FBLIM1: variants seen among roughly 807,000 people sequenced by gnomAD.
FBLIM1 encodes filamin-binding LIM protein 1.
FBLIM1 carries 29 observed loss-of-function variants against 37.4 expected under a neutral mutation model. That is an observed-to-expected ratio of 0.77 (90% confidence interval 0.58 to 1.06). The LOEUF (loss-of-function observed/expected upper bound fraction) is 1.06. FBLIM1 is among the 50% of genes least tolerant of loss of function. The pLI, the probability that FBLIM1 is intolerant of heterozygous loss-of-function variation, is 0.00. For missense variants in FBLIM1, 449 were observed against 505.6 expected (o/e 0.89, Z 1.07); for synonymous variants, 193 against 199.0 (o/e 0.97, Z 0.25).
rs2068553125 is a variant in FBLIM1 at position 15,759,321 on chromosome 1, G to A, written c.-211+473G>A. Among the ~76,000 whole-genome samples, 2 of 152,220 alleles carry A rather than the reference G, an allele frequency of 1.3e-5. 1 individual carries two copies. Among genetic ancestry groups the A allele is most frequent in the South Asian group, 4.1e-4 (2 of 4,838 alleles). Reference sequence around the variant, plus strand: ...TCCTAGCCAGGGTCAGGCAAGGGGAGGGACGGGTCCCGGGGCTGCTCCTCT... The same window carrying A: ...TCCTAGCCAGGGTCAGGCAAGGGGAAGGACGGGTCCCGGGGCTGCTCCTCT... On this transcript the variant is annotated intron_variant, in intron 1 of 8. Transcript: ENST00000375766.
At chr1:15,777,356 G>A (rs973495835) in intron 8 of FBLIM1, 69 bp downstream of exon 8, 14 of 1,144,552 alleles carry the variant, frequency 1.2e-5, no homozygotes, top group Non-Finnish European at 1.8e-5. Context: ...GGGTTGCTTG[G>A]ACATGGGGAC....
intron 1 of FBLIM1, among the ~76,000 whole-genome samples, chr1:15,762,087 CT>C (rs1253371187): frequency 6.6e-6 from 1 of 151,046 alleles, no homozygotes; most frequent in Non-Finnish European, 1.5e-5. Flanking sequence ...CTGATTTATG[CT>C]TTTCTTTTTT....
chr1:15,760,701 G>A (rs1316531822), intron 1 of FBLIM1, among the ~76,000 whole-genome samples: 1 of 152,084 alleles, frequency 6.6e-6, no homozygotes, highest in African/African-American at 2.4e-5. Flanking sequence ...GGTCTGGGTG[G>A]CTGGCTGGAT....
upstream of FBLIM1, chr1:15,758,636 G>T (rs2068509041): frequency 6.6e-6 from 1 of 151,902 alleles, no homozygotes; most frequent in African/African-American, 2.4e-5. The surrounding 1 kb of genome is among the most constrained non-coding windows in gnomAD (Gnocchi z 6.2). Context: ...CGGGCAGGTT[G>T]GGGGGCAGGT....
chr1:15,772,955 T>G (rs1398458287), intron 6 of FBLIM1, among the ~76,000 whole-genome samples: 2 of 151,988 alleles, frequency 1.3e-5, no homozygotes, highest in East Asian at 3.9e-4. Flanking sequence ...CGGCTATTTT[T>G]TGTATTTTTA....
upstream of FBLIM1, chr1:15,758,450 G>T (rs1164010278): frequency 6.6e-6 from 1 of 152,148 alleles, no homozygotes; most frequent in East Asian, 1.9e-4. The surrounding 1 kb of genome is among the most constrained non-coding windows in gnomAD (Gnocchi z 6.2). Flanking sequence ...GCAGCGGGGA[G>T]GGAAGGAAAC....
In FBLIM1 at chr1:15,767,534, C is replaced by T; in HGVS notation, c.409C>T (p.His137Tyr). 1 of 1,458,880 alleles carries T rather than the reference C, an allele frequency of 6.9e-7. No homozygotes were observed. The highest frequency in any genetic ancestry group is 9.1e-7 in the Non-Finnish European group (1 of 1,100,578). The allele number at this position is 1,458,880 out of a possible 1,614,324, so 90.4% of individuals were successfully genotyped here. The change falls in exon 4 of 9, where the codon CAC becomes TAC. Residue 137 changes from histidine to tyrosine, a missense_variant. Coordinates refer to ENST00000375766, the MANE Select transcript of FBLIM1 (RefSeq NM_017556.4). ...ASLIADLEQL[H>Y]LSPPPPPPQA... Reference sequence around the variant, plus strand: ...ACTCATTGCAGACTTAGAGCAGCTGCACCTGTCCCCGCCCCCGCCCCCACC... The same window carrying T: ...ACTCATTGCAGACTTAGAGCAGCTGTACCTGTCCCCGCCCCCGCCCCCACC...
chr1:15,765,953 G>A lies in FBLIM1; in HGVS notation c.250+720G>A, dbSNP rs200126374. On this transcript the variant is annotated intron_variant, in intron 3 of 8. Coordinates refer to ENST00000375766, the MANE Select transcript of FBLIM1 (RefSeq NM_017556.4). The surrounding 1 kb of genome is among the most constrained non-coding windows in gnomAD (Gnocchi z 5.9). The stretch of plus-strand genomic sequence containing the variant: ...TGGTTCCTGACTCCGTGAGCTCATC[G>A]GAGCCTCTTTCTCTCACTTCCGCTG... Among the ~76,000 whole-genome samples the A allele has an allele frequency of 6.6e-6, 1 of 152,100 alleles. No individual in the cohort carries two copies. The highest frequency in any genetic ancestry group is 1.9e-4 in the East Asian group (1 of 5,182).
At position 15,784,613 on chromosome 1, in the gene FBLIM1, C is replaced by T. The variant is rs751066607; in HGVS notation, c.1074C>T (p.Leu358=). 2 of 1,614,196 alleles carry T rather than the reference C, an allele frequency of 1.2e-6. No homozygotes were observed. The highest frequency in any genetic ancestry group is 1.1e-5 in the South Asian group (1 of 91,084). The change falls in exon 9 of 9, where the codon CTC becomes CTT. Residue 358 remains leucine, a synonymous_variant. Transcript: ENST00000375766. ...GCTGCTACCCCCTGAACAACCATCT[C>T]TTCTGCAAGCCATGCCATGTGAAGC... ...DQGCYPLNNH[L]FCKPCHVKRS...
At chr1:15,779,866 A>G (rs1370750360) in intron 8 of FBLIM1, among the ~76,000 whole-genome samples, 1 of 151,924 alleles carries the variant, frequency 6.6e-6, no homozygotes, top group Non-Finnish European at 1.5e-5. Flanking sequence ...CTGTCTTTAA[A>G]TTCTTGATTT....
At chr1:15,762,820 C>T (rs1041733846) in intron 1 of FBLIM1, among the ~76,000 whole-genome samples, 1 of 152,236 alleles carries the variant, frequency 6.6e-6, no homozygotes, top group Non-Finnish European at 1.5e-5. Flanking sequence ...TTTCGTCCAC[C>T]CTTGGCAGCA....
At chr1:15,780,792 T>C (rs1420819730) in intron 8 of FBLIM1, among the ~76,000 whole-genome samples, 3 of 152,200 alleles carry the variant, frequency 2.0e-5, no homozygotes, top group Non-Finnish European at 4.4e-5. Flanking sequence ...CTATTTTCAC[T>C]GAGGTTATCA....
At chr1:15,763,342 CAG>C (rs1392576400) in intron 1 of FBLIM1, among the ~76,000 whole-genome samples, 7 of 151,756 alleles carry the variant, frequency 4.6e-5, no homozygotes, top group Admixed American at 1.3e-4. Context: ...AGTGCTGGGA[CAG>C]AGTCTCACCG....
chr1:15,773,675 G>A (rs531283783), intron 6 of FBLIM1, among the ~76,000 whole-genome samples: 11 of 99,130 alleles, frequency 1.1e-4, no homozygotes, highest in African/African-American at 3.6e-4. Flanking sequence ...GCAAAACTCC[G>A]TCTCAGAAAA....
In FBLIM1 at chr1:15,784,582, A is replaced by C. The variant is rs2069729677; in HGVS notation, c.1043A>C (p.Asp348Ala). The C allele has an allele frequency of 6.2e-7, 1 of 1,613,944 alleles. No individual in the cohort carries two copies. Among genetic ancestry groups the C allele is most frequent in the Non-Finnish European group, 8.5e-7 (1 of 1,179,948 alleles). Residue 348 changes from aspartate to alanine, a missense_variant, in exon 9 of 9, where the codon GAC becomes GCC. Transcript: ENST00000375766. Reference protein sequence around the residue: ...CRILLSVEPTDQGCYPLNNHL... With the variant: ...CRILLSVEPTAQGCYPLNNHL... ...ATCCTCCTGTCTGTCGAGCCCACGG[A>C]CCAAGGCTGCTACCCCCTGAACAAC... is the stretch of plus-strand genomic sequence containing the variant.
intron 8 of FBLIM1, 73 bp downstream of exon 8, chr1:15,777,360 T>G (rs1453420192): frequency 9.1e-7 from 1 of 1,096,178 alleles, no homozygotes; most frequent in Admixed American, 1.9e-5. Flanking sequence ...TGCTTGGACA[T>G]GGGGACAGGT....
At chr1:15,773,681 G>GACAAA (rs2069341139) in intron 6 of FBLIM1, among the ~76,000 whole-genome samples, 1 of 106,970 alleles carries the variant, frequency 9.3e-6, no homozygotes, top group Admixed American at 1.0e-4. Flanking sequence ...CTCCGTCTCA[G>GACAAA]AAAAAAAAAA....
upstream of FBLIM1, chr1:15,758,489 C>A (rs1285021884): frequency 6.6e-6 from 1 of 152,160 alleles, no homozygotes; most frequent in Non-Finnish European, 1.5e-5. The surrounding 1 kb of genome is among the most constrained non-coding windows in gnomAD (Gnocchi z 6.2). Context: ...CTCCTACCCC[C>A]ACTCCCCATC....
intron 1 of FBLIM1, among the ~76,000 whole-genome samples, chr1:15,761,591 T>C (rs1272803254): frequency 6.6e-6 from 1 of 152,146 alleles, no homozygotes; most frequent in East Asian, 1.9e-4. Flanking sequence ...AGTGTAAAAC[T>C]AAAGCCCGTG....
Sources: gnomAD v4.1 joint callset for allele counts (sites outside exome capture counted in the v4.1 genomes callset) on GRCh38, gnomAD v4.1.1 for gene constraint, Gnocchi (gnomAD v3.1) non-coding constraint, MANE v1.5 for transcripts, NCBI Gene and HGNC (gene_info 2026-07-23, HGNC 2026-07-21) for gene names.